ASXL3: variants seen among roughly 807,000 people sequenced by gnomAD.
ASXL3 encodes putative Polycomb group protein ASXL3.
ASXL3 carries 34 observed loss-of-function variants against 170.6 expected under a neutral mutation model. That is an observed-to-expected ratio of 0.20 (90% CI 0.15 to 0.27). The LOEUF (loss-of-function observed/expected upper bound fraction) is 0.27, where lower values mean the gene tolerates loss of function less well. Among genes scored for constraint, ASXL3 ranks in the 10% least tolerant of loss-of-function variants. ASXL3 has a pLI of 1.00. For synonymous variants in ASXL3, 1,002 were observed against 989.1 expected (o/e 1.01, Z -0.24); for missense variants, 2,592 against 2,695.3 (o/e 0.96, Z 0.85).
At chr18:33,578,726 G>A (rs1197321848) in intron 1 of ASXL3, 41 bp downstream of exon 1, 4 of 1,149,094 alleles carry the variant, frequency 3.5e-6, no homozygotes, top group Admixed American at 4.4e-5. Flanking sequence ...CCTCCCGCCG[G>A]CCCCGCCGCT....
At chr18:33,742,282 T>G (rs2067676925) in intron 11 of ASXL3, among the ~76,000 whole-genome samples, 1 of 152,230 alleles carries the variant, frequency 6.6e-6, no homozygotes, top group Admixed American at 6.5e-5. Flanking sequence ...TCTTGTGTTC[T>G]TATATGTATA....
chr18:33,598,175 A>G (rs889264502), intron 1 of ASXL3, among the ~76,000 whole-genome samples: 1 of 152,180 alleles, frequency 6.6e-6, no homozygotes, highest in Non-Finnish European at 1.5e-5. Flanking sequence ...CAGAGTTGTT[A>G]TATATCTATC....
intron 8 of ASXL3, among the ~76,000 whole-genome samples, chr18:33,691,640 A>G (rs756606516): frequency 6.6e-6 from 1 of 152,194 alleles, no homozygotes; most frequent in South Asian, 2.1e-4. Context: ...GAATTGTTCT[A>G]GAGGAGAGAG....
intron 2 of ASXL3, among the ~76,000 whole-genome samples, chr18:33,623,499 A>G (rs747245207): frequency 1.3e-5 from 2 of 152,284 alleles, no homozygotes; most frequent in East Asian, 1.9e-4. Context: ...CTTGCATCAA[A>G]CTATTATAAA....
At chr18:33,606,106 CT>C (rs1413760391) in intron 1 of ASXL3, among the ~76,000 whole-genome samples, 12 of 151,878 alleles carry the variant, frequency 7.9e-5, no homozygotes, top group Non-Finnish European at 1.8e-4. Context: ...CTCTTTCCTT[CT>C]TTACAGCTCT....
At chr18:33,587,860 C>T (rs546493053) in intron 1 of ASXL3, among the ~76,000 whole-genome samples, 7 of 151,748 alleles carry the variant, frequency 4.6e-5, no homozygotes, top group Admixed American at 2.6e-4. Context: ...TTATAAAAGT[C>T]GGCTGATTAT....
rs373396145 is a variant in ASXL3, at chr18:33,746,601, G to C, written c.*6G>C. The C allele has an allele frequency of 5.1e-5, 80 of 1,566,254 alleles. No individual in the cohort carries two copies. Among genetic ancestry groups the C allele is most frequent in the Non-Finnish European group, 6.4e-5 (74 of 1,156,008 alleles). Reference sequence around the variant, plus strand: ...CATGCCTGGTTGTACGATAAGAGCTGAGTGAAAGATGCAGTATCCCTTTTC... The same window carrying C: ...CATGCCTGGTTGTACGATAAGAGCTCAGTGAAAGATGCAGTATCCCTTTTC... On this transcript the variant is annotated 3_prime_UTR_variant, in exon 12 of 12. Coordinates refer to ENST00000269197, the MANE Select transcript of ASXL3 (RefSeq NM_030632.3).
chr18:33,688,758 A>G (rs2066640270), intron 8 of ASXL3, among the ~76,000 whole-genome samples: 2 of 152,230 alleles, frequency 1.3e-5, no homozygotes, highest in Non-Finnish European at 2.9e-5. Context: ...GGTATCTTTC[A>G]TTTATCCCTT....
At chr18:33,607,517 A>G (rs2065267997) in intron 1 of ASXL3, 77 bp from the exon 2 acceptor site, 2 of 1,161,940 alleles carry the variant, frequency 1.7e-6, no homozygotes, top group African/African-American at 1.6e-5. Flanking sequence ...AAATAAGCAG[A>G]GAATGCATGA....
At chr18:33,627,527 A>G (rs1444276741) in intron 2 of ASXL3, among the ~76,000 whole-genome samples, 1 of 152,132 alleles carries the variant, frequency 6.6e-6, no homozygotes, top group Non-Finnish European at 1.5e-5. Flanking sequence ...CATTGACTGC[A>G]TCTCCATGAT....
rs780698293 is a variant in ASXL3, at chr18:33,700,768, G to T, written c.879+17200G>T. Among the ~76,000 whole-genome samples the T allele has an allele frequency of 3.3e-4, 50 of 152,040 alleles. 1 individual carries two copies. Among genetic ancestry groups the T allele is most frequent in the Middle Eastern group, 3.2e-3 (1 of 316 alleles). On this transcript the variant is annotated intron_variant, in intron 8 of 11. Transcript: ENST00000269197. ...ACTATAGATTGAGCTTTAGCCATAT[G>T]GGTGTATCCAAAAGACAGGAAGGGC...
chr18:33,672,392 G>A lies in ASXL3; in HGVS notation c.715+526G>A, dbSNP rs139107245. ...GAGAAATGTTGGAGACACAGGCCAC[G>A]GGTCTTTCAAATCAGCACCAGGTTT... On this transcript the variant is annotated intron_variant, in intron 7 of 11. Coordinates refer to ENST00000269197, the MANE Select transcript of ASXL3 (RefSeq NM_030632.3). Among the ~76,000 whole-genome samples the A allele has an allele frequency of 5.5e-3, 841 of 152,222 alleles. 7 individuals are homozygous for A. The highest frequency in any genetic ancestry group is 0.024 in the Middle Eastern group (7 of 294).
At chr18:33,615,022 A>G (rs1315880214) in intron 2 of ASXL3, 1 of 152,144 alleles carries the variant, frequency 6.6e-6, no homozygotes, top group Non-Finnish European at 1.5e-5. Flanking sequence ...CATCAGCTAC[A>G]TTAGCCCCAA....
chr18:33,667,064 G>C (rs1457307212), intron 5 of ASXL3, among the ~76,000 whole-genome samples: 2 of 152,166 alleles, frequency 1.3e-5, no homozygotes, highest in Non-Finnish European at 2.9e-5. Context: ...CAGCTAGAGA[G>C]AGCGTGGTTT....
At chr18:33,675,634 G>T (rs188482797) in intron 7 of ASXL3, among the ~76,000 whole-genome samples, 1 of 152,178 alleles carries the variant, frequency 6.6e-6, no homozygotes, top group African/African-American at 2.4e-5. Context: ...TCCCCTAAGT[G>T]CTTCCTCTTG....
At chr18:33,734,242 A>T in intron 9 of ASXL3, 68 bp from the exon 10 acceptor site, 7 of 1,056,022 alleles carry the variant, frequency 6.6e-6, no homozygotes, top group Non-Finnish European at 9.5e-6. Context: ...AATGAATTAC[A>T]TGTTTTCTTT....
chr18:33,691,958 A>T (rs1423692551), intron 8 of ASXL3, among the ~76,000 whole-genome samples: 1 of 152,198 alleles, frequency 6.6e-6, no homozygotes, highest in Non-Finnish European at 1.5e-5. Flanking sequence ...CCCACTTTCT[A>T]TATGTAGAAG....
In ASXL3 at chr18:33,668,771, G is replaced by A. The variant is rs373159476; in HGVS notation, c.478-1902G>A. 9.9e-5 allele frequency among the ~76,000 whole-genome samples: 15 copies of A among 151,906 alleles called. No individual in the cohort carries two copies. In the East Asian group the frequency reaches 1.7e-3, roughly 18 times the overall value. Reference sequence around the variant, plus strand: ...TCTAGAAATTGAGGTCAAAATTTTCGTTGCTTTAATTATTATTTACCACAA... The same window carrying A: ...TCTAGAAATTGAGGTCAAAATTTTCATTGCTTTAATTATTATTTACCACAA... On this transcript the variant is annotated intron_variant, in intron 5 of 11. Transcript: ENST00000269197.
intron 4 of ASXL3, among the ~76,000 whole-genome samples, chr18:33,653,863 C>CT (rs144398825): frequency 0.099 from 14,693 of 148,926 alleles, 875 homozygotes; most frequent in African/African-American, 0.16. Flanking sequence ...TAATTTGCTC[C>CT]TTTTTTTTTT....
Sources: allele counts gnomAD v4.1 joint callset (sites outside exome capture counted in the v4.1 genomes callset), GRCh38; gene constraint gnomAD v4.1.1; transcripts MANE v1.5; gene names NCBI Gene and HGNC (gene_info 2026-07-23, HGNC 2026-07-21).